Variants in PCDHGB2 observed in about 807,000 individuals in gnomAD.
PCDHGB2 encodes protocadherin gamma subfamily B, 2, also known as protocadherin gamma-B2.
Under a neutral mutation model 59.3 loss-of-function variants are expected in PCDHGB2, and 55 were observed. The observed-to-expected ratio is 0.93, with a 90% confidence interval of 0.75 to 1.16. PCDHGB2 has a LOEUF of 1.16. Ranked by LOEUF, PCDHGB2 falls within the 50% of genes most tolerant of loss-of-function variation. The pLI, the probability that PCDHGB2 is intolerant of heterozygous loss-of-function variation, is 0.00. For synonymous variants in PCDHGB2, 516 were observed against 512.0 expected, an observed-to-expected ratio of 1.01 and a Z score of -0.11; for missense variants, 1,228 against 1,198.5, an observed-to-expected ratio of 1.02 and a Z score of -0.36.
At chr5:141,407,385 T>A (rs1306044111) in intron 1 of PCDHGB2, among the ~76,000 whole-genome samples, 1 of 152,228 alleles carries the variant, frequency 6.6e-6, no homozygotes, top group South Asian at 2.1e-4. Flanking sequence ...GGCTTGTATG[T>A]CATGGTAGGT....
At chr5:141,365,050 C>A (rs1763704245) in intron 1 of PCDHGB2, 1 of 1,613,882 alleles carries the variant, frequency 6.2e-7, no homozygotes, top group African/African-American at 1.3e-5. Flanking sequence ...ACAATGCGCC[C>A]CTGTTCACCC....
intron 1 of PCDHGB2, among the ~76,000 whole-genome samples, chr5:141,474,586 A>G (rs149003643): frequency 6.6e-6 from 1 of 152,222 alleles, no homozygotes; most frequent in Non-Finnish European, 1.5e-5. Flanking sequence ...AGTGTTAAAG[A>G]CATGGAAATA....
rs1360494290 is a variant in PCDHGB2 at position 141,433,285 on chromosome 5, C to T, written c.2422-61522C>T. On this transcript the variant is annotated intron_variant, in intron 1 of 3. Coordinates refer to ENST00000522605, the MANE Select transcript of PCDHGB2 (RefSeq NM_018923.3). ...CATAGCTCACTGCAGCCTCAAACTCCTAGGCTCAAGCAATTATCCCACCTT... is the reference window on the plus strand; with the variant it reads ...CATAGCTCACTGCAGCCTCAAACTCTTAGGCTCAAGCAATTATCCCACCTT... The T allele has an allele frequency of 6.8e-6, 8 of 1,169,708 alleles. No individual in the cohort carries two copies. In the East Asian group the frequency reaches 1.7e-4, roughly 25 times the overall value. The allele number at this position is 1,169,708 out of a possible 1,614,324, so 72.5% of individuals were successfully genotyped here. A position where few individuals can be genotyped will look rare whatever the true frequency, so the allele number is the denominator to read the frequency against.
In PCDHGB2 at chr5:141,494,836, C is replaced by G. The variant is rs1016713543; in HGVS notation, c.2451C>G (p.Phe817Leu). ...CCCCGCCCAACACGGACTGGCGTTT[C>G]TCTCAGGCCCAGAGACCCGGCACCA... ...KQAPPNTDWR[F>L]SQAQRPGTSG... The change falls in exon 2 of 4, where the codon TTC (phenylalanine) becomes TTG (leucine). Residue 817 changes from phenylalanine (F) to leucine (L), a missense_variant. Phe to Leu is a conservative substitution (Grantham distance 22, BLOSUM62 0). Coordinates refer to ENST00000522605, the MANE Select transcript of PCDHGB2 (RefSeq NM_018923.3). 1.9e-6 allele frequency: 3 copies of G among 1,614,054 alleles called. No individual in the cohort carries two copies. The highest frequency in any genetic ancestry group is 2.7e-5 in the African/African-American group (2 of 74,932).
At chr5:141,379,558 A>G (rs917784555) in intron 1 of PCDHGB2, 4 of 152,206 alleles carry the variant, frequency 2.6e-5, no homozygotes, top group African/African-American at 7.2e-5. Flanking sequence ...ACTACTTTTC[A>G]TGGAGATCAG....
chr5:141,506,246 C>T (rs1049014492), intron 3 of PCDHGB2, among the ~76,000 whole-genome samples: 3 of 151,958 alleles, frequency 2.0e-5, no homozygotes, highest in South Asian at 4.2e-4. Context: ...GTCAGGAGTT[C>T]GAAACCGGCC....
chr5:141,382,701 T>G, intron 1 of PCDHGB2: 2 of 460,044 alleles, frequency 4.3e-6, no homozygotes, highest in Non-Finnish European at 7.6e-6. Flanking sequence ...GTGCGAGAGA[T>G]CCCACAGAAA....
chr5:141,491,243 ATGAGGACCC>A lies in PCDHGB2; in HGVS notation c.2422-3557_2422-3549del. 1 of 1,614,200 alleles carries A rather than the reference ATGAGGACCC, an allele frequency of 6.2e-7. No individual in the cohort carries two copies. Among genetic ancestry groups the A allele is most frequent in the African/African-American group, 1.3e-5 (1 of 75,056 alleles). ...GCCACAGTGCTGCTGGTTCTGGAGG[ATGAGGACCC>A]TGAGGAAATGCCCAAATCCAGTGAC... On this transcript the variant is annotated intron_variant, in intron 1 of 3. Coordinates refer to ENST00000522605, the MANE Select transcript of PCDHGB2 (RefSeq NM_018923.3). This position sits in a 1 kb window ranked among gnomAD's most constrained non-coding sequence, Gnocchi z 6.9.
rs543038539 is a variant in PCDHGB2 at position 141,415,850 on chromosome 5, C to A, written c.2421+53294C>A. 7.3e-6 allele frequency: 9 copies of A among 1,230,004 alleles called. No homozygotes were observed. In the East Asian group the frequency reaches 2.6e-4, roughly 35 times the overall value. The allele number at this position is 1,230,004 out of a possible 1,614,324, so 76.2% of individuals were successfully genotyped here. ...TTTGTTATGATTAGCTTTGCAGAAC[C>A]TTGTAGTTTATAGTGTTGTTGAGTA... On this transcript the variant is annotated intron_variant, in intron 1 of 3. Coordinates refer to ENST00000522605, the MANE Select transcript of PCDHGB2 (RefSeq NM_018923.3).
chr5:141,377,575 G>C (rs2150112851), intron 1 of PCDHGB2: 1 of 150,404 alleles, frequency 6.6e-6, no homozygotes, highest in African/African-American at 2.4e-5. Context: ...TAGCCTGGGA[G>C]ACAGAATGAG....
rs200117787 is a variant in PCDHGB2, at chr5:141,477,443, G to T, written c.2422-17364G>T. ...CCCTTCCCTCTCAGCCCTTACAATA[G>T]TGCGTGTTCAAGTGTCCGACATCAA... On this transcript the variant is annotated intron_variant, in intron 1 of 3. Coordinates refer to ENST00000522605, the MANE Select transcript of PCDHGB2 (RefSeq NM_018923.3). This position sits in a 1 kb window ranked among gnomAD's most constrained non-coding sequence, Gnocchi z 4.9. The T allele has an allele frequency of 1.7e-5, 28 of 1,614,136 alleles. No homozygotes were observed. In the East Asian group the frequency reaches 6.2e-4, roughly 36 times the overall value.
chr5:141,432,250 A>T lies in PCDHGB2; in HGVS notation c.2422-62557A>T. ...ATTCCCTGGCTGAGAACACCATCCA[A>T]GGGGCAAGCCTATCGTCCTACGTGT... is the stretch of plus-strand genomic sequence containing the variant. On this transcript the variant is annotated intron_variant, in intron 1 of 3. Transcript: ENST00000522605. This position sits in a 1 kb window ranked among gnomAD's most constrained non-coding sequence, Gnocchi z 6.0. 1 of 1,614,234 alleles carries T rather than the reference A, an allele frequency of 6.2e-7. No homozygotes were observed. Among genetic ancestry groups the T allele is most frequent in the Non-Finnish European group, 8.5e-7 (1 of 1,180,054 alleles).
chr5:141,380,196 G>A (rs1002706852), intron 1 of PCDHGB2, among the ~76,000 whole-genome samples: 3 of 152,110 alleles, frequency 2.0e-5, no homozygotes, highest in Non-Finnish European at 2.9e-5. Flanking sequence ...CACTGAGCCC[G>A]GCCTGAAAGG....
intron 1 of PCDHGB2, chr5:141,394,111 C>T: frequency 1.9e-6 from 3 of 1,613,936 alleles, no homozygotes; most frequent in African/African-American, 2.7e-5. Flanking sequence ...CCACCTCTGT[C>T]CACTGAAACT....
chr5:141,365,390 A>T (rs1763883184), intron 1 of PCDHGB2: 1 of 1,613,850 alleles, frequency 6.2e-7, no homozygotes, highest in African/African-American at 1.3e-5. Context: ...CTCTCTGACC[A>T]GTTCGATCTC....
intron 1 of PCDHGB2, among the ~76,000 whole-genome samples, chr5:141,474,862 T>C (rs1281140736): frequency 6.6e-6 from 1 of 152,264 alleles, no homozygotes; most frequent in Non-Finnish European, 1.5e-5. Context: ...CTTCATTTAA[T>C]AGGATAGGAG....
In PCDHGB2 at chr5:141,487,883, G is replaced by A; in HGVS notation, c.2422-6924G>A. ...GGTGATCAAGAGCCAGGCTGTTGTG[G>A]AAGCATGATGATGGAATGTGGGAGC... is the stretch of plus-strand genomic sequence containing the variant. On this transcript the variant is annotated intron_variant, in intron 1 of 3. Transcript: ENST00000522605. This position sits in a 1 kb window ranked among gnomAD's most constrained non-coding sequence, Gnocchi z 5.0. The A allele has an allele frequency of 1.3e-6, 1 of 766,586 alleles. No homozygotes were observed. The highest frequency in any genetic ancestry group is 1.8e-5 in the South Asian group (1 of 55,094). 47.5% of individuals were successfully genotyped at this position (766,586 alleles called of 1,614,324 possible).
At chr5:141,505,592 A>G in intron 3 of PCDHGB2, 111 bp downstream of exon 3, 1 of 1,567,266 alleles carries the variant, frequency 6.4e-7, no homozygotes. Context: ...GTTTCTCCAG[A>G]TCTTTCGGCA....
In PCDHGB2 at chr5:141,404,421, C is replaced by G. The variant is rs199749783; in HGVS notation, c.2421+41865C>G. On this transcript the variant is annotated intron_variant, in intron 1 of 3. Coordinates refer to ENST00000522605, the MANE Select transcript of PCDHGB2 (RefSeq NM_018923.3). ...AATGAGAATTCTAGAGTTATTTACT[C>G]CTTGGCAGAGGATACCATCCAAGGG... 462 of 1,613,692 alleles carry G rather than the reference C, an allele frequency of 2.9e-4. 1 individual carries two copies. The African/African-American group carries it at 5.5e-3, about 19-fold the overall frequency.
Sources: allele counts gnomAD v4.1 joint callset (sites outside exome capture counted in the v4.1 genomes callset), GRCh38; gene constraint gnomAD v4.1.1; non-coding constraint Gnocchi (gnomAD v3.1); transcripts MANE v1.5; gene names NCBI Gene and HGNC (gene_info 2026-07-23, HGNC 2026-07-21).